Variants in AKAP13 observed in about 807,000 individuals in gnomAD.
AKAP13 encodes A-kinase anchoring protein 13, also known as A-kinase anchor protein 13.
A neutral mutation model predicts 264.5 loss-of-function variants in AKAP13; 80 were observed. The observed-to-expected ratio is 0.30, with a 90% CI of 0.25 to 0.36. The LOEUF (loss-of-function observed/expected upper bound fraction) is 0.36. Ranked by LOEUF, AKAP13 falls within the 10% of genes least tolerant of loss-of-function variation. The pLI is 1.00. For missense variants in AKAP13, 3,712 were observed against 3,435.2 expected (o/e 1.08, Z -2.01); for synonymous variants, 1,380 against 1,250.2 (o/e 1.10, Z -2.19).
At chr15:85,586,522 C>T (rs2079359421) in intron 8 of AKAP13, among the ~76,000 whole-genome samples, 1 of 152,088 alleles carries the variant, frequency 6.6e-6, no homozygotes, top group Non-Finnish European at 1.5e-5. Context: ...CTTCTTAAAC[C>T]TGACTCTTCT....
At chr15:85,451,821 G>A (rs1367269485) in intron 1 of AKAP13, among the ~76,000 whole-genome samples, 1 of 152,124 alleles carries the variant, frequency 6.6e-6, no homozygotes, top group African/African-American at 2.4e-5. Context: ...TTTCATCTTG[G>A]AAAATCTGAC....
chr15:85,387,074 G>A (rs1003363751), intron 1 of AKAP13, among the ~76,000 whole-genome samples: 11 of 151,602 alleles, frequency 7.3e-5, no homozygotes, highest in African/African-American at 2.7e-4. Context: ...GGTGGCTCAC[G>A]CCTGTAATCC....
chr15:85,589,487 G>A (rs1007865191), intron 8 of AKAP13, among the ~76,000 whole-genome samples: 5 of 151,804 alleles, frequency 3.3e-5, no homozygotes, highest in African/African-American at 4.8e-5. Context: ...CGGGCACAGC[G>A]GCTCATGCCT....
At chr15:85,531,753 T>G (rs1223307805) in intron 3 of AKAP13, among the ~76,000 whole-genome samples, 1 of 152,216 alleles carries the variant, frequency 6.6e-6, no homozygotes, top group Non-Finnish European at 1.5e-5. Flanking sequence ...GAATTCGACT[T>G]GGAAGGCAGT....
chr15:85,455,251 T>C (rs1487762296), intron 1 of AKAP13, among the ~76,000 whole-genome samples: 2 of 152,172 alleles, frequency 1.3e-5, no homozygotes, highest in African/African-American at 4.8e-5. Context: ...TTGGCAAATG[T>C]GTTAATTAGA....
intron 1 of AKAP13, among the ~76,000 whole-genome samples, chr15:85,452,896 G>T (rs1481780888): frequency 6.6e-6 from 1 of 152,170 alleles, no homozygotes; most frequent in Middle Eastern, 3.2e-3. Flanking sequence ...GGCTGCAGAG[G>T]GAGAGATCTT....
intron 3 of AKAP13, among the ~76,000 whole-genome samples, chr15:85,531,776 T>C (rs2077249939): frequency 6.6e-6 from 1 of 152,340 alleles, no homozygotes; most frequent in South Asian, 2.1e-4. Context: ...GAGTATCGTG[T>C]GGATTCAGTG....
At chr15:85,648,160 C>T (rs1184426614) in intron 10 of AKAP13, among the ~76,000 whole-genome samples, 1 of 152,178 alleles carries the variant, frequency 6.6e-6, no homozygotes, top group Non-Finnish European at 1.5e-5. Flanking sequence ...CTGAGATAAA[C>T]AGATTAGATA....
chr15:85,440,609 C>CA (rs1206094894), intron 1 of AKAP13, among the ~76,000 whole-genome samples: 1 of 152,172 alleles, frequency 6.6e-6, no homozygotes, highest in South Asian at 2.1e-4. Context: ...AATCAGTTTT[C>CA]ACCTGAGGTC....
intron 1 of AKAP13, among the ~76,000 whole-genome samples, chr15:85,399,513 A>AT (rs2071294413): frequency 2.9e-5 from 2 of 69,978 alleles, no homozygotes; most frequent in Admixed American, 1.7e-4. Flanking sequence ...AAAAAAAAAA[A>AT]AAAAAAAAAT....
chr15:85,508,803 G>A (rs1181336108), intron 2 of AKAP13, among the ~76,000 whole-genome samples: 2 of 151,964 alleles, frequency 1.3e-5, no homozygotes, highest in South Asian at 4.1e-4. Context: ...TTTTGAACAC[G>A]CTGAGTTTGT....
rs554164556 is a variant in AKAP13, at chr15:85,507,911, C to A, written c.34-13517C>A. Among the ~76,000 whole-genome samples, 7 of 152,324 alleles carry A rather than the reference C, an allele frequency of 4.6e-5. No individual in the cohort carries two copies. In the East Asian group the frequency reaches 1.4e-3, roughly 29 times the overall value. ...TTCAGTGTGCTTCTTCTGAGACTTG[C>A]CCATGAGGGCGTGGCAGGAATGGGG... On this transcript the variant is annotated intron_variant, in intron 2 of 36. Transcript: ENST00000394518.
chr15:85,578,754 A>G (rs567276605), intron 6 of AKAP13, among the ~76,000 whole-genome samples, 176 bp from the exon 7 acceptor site: 1 of 152,284 alleles, frequency 6.6e-6, no homozygotes, highest in South Asian at 2.1e-4. Flanking sequence ...TATGAAAGGA[A>G]AGTAATATCA....
rs139226110 is a variant in AKAP13 at position 85,618,327 on chromosome 15, A to G, written c.4162-21047A>G. Among the ~76,000 whole-genome samples, 755 of 152,256 alleles carry G rather than the reference A, an allele frequency of 5.0e-3. 6 individuals are homozygous for G. Among genetic ancestry groups the G allele is most frequent in the African/African-American group, 0.017 (716 of 41,532 alleles). On this transcript the variant is annotated intron_variant, in intron 8 of 36. Transcript: ENST00000394518. ...AACTTTGTTTGCAATGTCAACAGAA[A>G]TGTAGGTGTTAAATCTCTCCTCTCC... is the stretch of plus-strand genomic sequence containing the variant.
chr15:85,637,641 T>C (rs1361210270), intron 8 of AKAP13, among the ~76,000 whole-genome samples: 1 of 152,066 alleles, frequency 6.6e-6, no homozygotes, highest in East Asian at 1.9e-4. Context: ...TTGTTCTTTA[T>C]TTTCTTTATC....
At chr15:85,583,984 A>C (rs1002339609) in intron 7 of AKAP13, among the ~76,000 whole-genome samples, 1 of 152,208 alleles carries the variant, frequency 6.6e-6, no homozygotes, top group African/African-American at 2.4e-5. Flanking sequence ...TGATGGTCTC[A>C]GACTACAGAG....
chr15:85,733,544 A>G (rs1242109650), intron 30 of AKAP13, among the ~76,000 whole-genome samples: 3 of 151,996 alleles, frequency 2.0e-5, no homozygotes, highest in Non-Finnish European at 2.9e-5. Flanking sequence ...AATTTGTACT[A>G]TTTTCCCTGT....
chr15:85,644,693 C>CAA (rs1161365911), intron 9 of AKAP13, among the ~76,000 whole-genome samples: 112 of 103,866 alleles, frequency 1.1e-3, no homozygotes, highest in African/African-American at 2.3e-3. Context: ...ACTAAAAATA[C>CAA]AAAAAAAAAA....
chr15:85,440,862 G>A (rs545054266), intron 1 of AKAP13, among the ~76,000 whole-genome samples: 1 of 152,194 alleles, frequency 6.6e-6, no homozygotes, highest in African/African-American at 2.4e-5. Flanking sequence ...GGCTTAGTGT[G>A]GTGGAAATTT....
Sources: allele counts gnomAD v4.1 joint callset (sites outside exome capture counted in the v4.1 genomes callset), GRCh38; gene constraint gnomAD v4.1.1; transcripts MANE v1.5; gene names NCBI Gene and HGNC (gene_info 2026-07-23, HGNC 2026-07-21).